MBNL2: variants seen among roughly 807,000 people sequenced by gnomAD.
MBNL2 encodes muscleblind like splicing regulator 2, also known as muscleblind-like protein 2.
In MBNL2, 17 loss-of-function variants were observed where a neutral mutation model predicts 41.9. The observed-to-expected ratio is 0.41, with a 90% CI of 0.28 to 0.61. The LOEUF (loss-of-function observed/expected upper bound fraction) is 0.61. Ranked by LOEUF, MBNL2 falls within the 20% of genes least tolerant of loss-of-function variation. MBNL2 has a pLI of 0.35. For missense variants in MBNL2, 336 were observed against 505.6 expected (o/e 0.66, Z 3.22); for synonymous variants, 195 against 182.9 (o/e 1.07, Z -0.53).
chr13:97,326,279 C>G (rs1284922679), intron 2 of MBNL2, among the ~76,000 whole-genome samples: 1 of 152,138 alleles, frequency 6.6e-6, no homozygotes, highest in Non-Finnish European at 1.5e-5. Flanking sequence ...GACTGTCTAC[C>G]ACTATTTGTG....
At chr13:97,218,251 A>G (rs184693447), upstream of MBNL2, among the ~76,000 whole-genome samples, 1 of 152,106 alleles carries the variant, frequency 6.6e-6, no homozygotes, top group East Asian at 1.9e-4. Context: ...TCTACTAAAA[A>G]TATAAAAAAT....
At chr13:97,151,969 C>T in the MBNL2 span, among the ~76,000 whole-genome samples, 1 of 152,120 alleles carries the variant, frequency 6.6e-6, no homozygotes, top group African/African-American at 2.4e-5. Flanking sequence ...TATCAGCCCA[C>T]TCATCTGTAA....
At chr13:97,180,757 A>C in the MBNL2 span, among the ~76,000 whole-genome samples, 2 of 151,778 alleles carry the variant, frequency 1.3e-5, no homozygotes, top group African/African-American at 2.4e-5. Flanking sequence ...AAAAAAAAAA[A>C]AAAAAAACAT....
At chr13:97,178,017 G>A in the MBNL2 span, among the ~76,000 whole-genome samples, 11 of 152,186 alleles carry the variant, frequency 7.2e-5, no homozygotes, top group Admixed American at 4.6e-4. Context: ...TCTTGGAAAA[G>A]CTCCTGGAGA....
chr13:97,245,652 T>G (rs2045317617), intron 1 of MBNL2, among the ~76,000 whole-genome samples: 1 of 152,246 alleles, frequency 6.6e-6, no homozygotes, highest in East Asian at 1.9e-4. Flanking sequence ...TCTACTAAGT[T>G]GGAGGAATAA....
chr13:97,385,036 T>C (rs2065813650), intron 8 of MBNL2, among the ~76,000 whole-genome samples: 1 of 152,190 alleles, frequency 6.6e-6, no homozygotes. Context: ...AGATGACACA[T>C]CTTGTGCAAA....
rs559792552 is a variant in MBNL2 at position 97,392,974 on chromosome 13, G to T, written c.*1525G>T. Reference sequence around the variant, plus strand: ...AGATGCACCAACCGTATCATTATTTGTTTGAGGAAAAAAAGAAATCTGCAT... The same window carrying T: ...AGATGCACCAACCGTATCATTATTTTTTTGAGGAAAAAAAGAAATCTGCAT... On this transcript the variant is annotated 3_prime_UTR_variant, in exon 9 of 9. Coordinates refer to ENST00000679496, the MANE Select transcript of MBNL2 (RefSeq NM_001382683.1). 1.3e-5 allele frequency: 2 copies of T among 152,436 alleles called. No individual in the cohort carries two copies. The highest frequency in any genetic ancestry group is 3.9e-4 in the East Asian group (2 of 5,186). 9.4% of individuals were successfully genotyped at this position (152,436 alleles called of 1,614,324 possible).
Position 97,276,086 on chromosome 13 carries a change from C to A in MBNL2, c.-150C>A. On this transcript the variant is annotated 5_prime_UTR_variant, in exon 2 of 9. In the 5' UTR this introduces an upstream ATG that the reference lacks. Coordinates refer to ENST00000679496, the MANE Select transcript of MBNL2 (RefSeq NM_001382683.1). ...CCTGTCCATACACTCTCTCATCATC[C>A]TGTTCCTTGGATTGGACTTCACTAA... The A allele has an allele frequency of 1.6e-6, 1 of 617,670 alleles. No homozygotes were observed. The highest frequency in any genetic ancestry group is 2.0e-5 in the South Asian group (1 of 49,996). 38.3% of individuals were successfully genotyped at this position (617,670 alleles called of 1,614,324 possible).
intron 2 of MBNL2, among the ~76,000 whole-genome samples, chr13:97,293,487 T>C (rs1437101908): frequency 6.6e-6 from 1 of 152,236 alleles, no homozygotes; most frequent in Non-Finnish European, 1.5e-5. Flanking sequence ...CTTGAGAAGA[T>C]GCATTTCCTG....
upstream of MBNL2, among the ~76,000 whole-genome samples, chr13:97,217,046 A>G (rs1322000145): frequency 6.8e-6 from 1 of 147,546 alleles, no homozygotes; most frequent in African/African-American, 2.5e-5. Context: ...TACACATAAT[A>G]TGTAATATAT....
chr13:97,158,947 T>C, the MBNL2 span, among the ~76,000 whole-genome samples: 1 of 151,014 alleles, frequency 6.6e-6, no homozygotes, highest in South Asian at 2.1e-4. Context: ...TTCCTGGGTA[T>C]CCTTGTTGAC....
chr13:97,200,141 G>A, the MBNL2 span, among the ~76,000 whole-genome samples: 4 of 152,246 alleles, frequency 2.6e-5, no homozygotes, highest in African/African-American at 4.8e-5. Context: ...CCTCCATGCT[G>A]TGGGCCACTT....
At chr13:97,375,643 G>A (rs1183480832) in intron 8 of MBNL2, among the ~76,000 whole-genome samples, 3 of 152,202 alleles carry the variant, frequency 2.0e-5, no homozygotes, top group African/African-American at 4.8e-5. Flanking sequence ...TTTTACATGT[G>A]AAGACGTCAC....
intron 2 of MBNL2, among the ~76,000 whole-genome samples, chr13:97,331,044 T>G (rs1241735071): frequency 6.6e-6 from 1 of 152,228 alleles, no homozygotes; most frequent in Non-Finnish European, 1.5e-5. Flanking sequence ...ATTAAGTAGC[T>G]TTTAACATGT....
At chr13:97,166,073 T>C in the MBNL2 span, among the ~76,000 whole-genome samples, 4 of 152,270 alleles carry the variant, frequency 2.6e-5, no homozygotes, top group Non-Finnish European at 5.9e-5. Context: ...ACAGTTGCAC[T>C]GTTTGTTAAA....
chr13:97,200,712 C>T, the MBNL2 span, among the ~76,000 whole-genome samples: 1 of 152,170 alleles, frequency 6.6e-6, no homozygotes, highest in Non-Finnish European at 1.5e-5. Context: ...ATAGCACCTA[C>T]AGACACCACT....
chr13:97,370,667 CAAA>C (rs35877156), intron 8 of MBNL2, among the ~76,000 whole-genome samples: 1 of 137,776 alleles, frequency 7.3e-6, no homozygotes. Flanking sequence ...GAAACTCCGT[CAAA>C]AAAAAAAAAG....
intron 2 of MBNL2, among the ~76,000 whole-genome samples, chr13:97,311,667 T>TA (rs2058620565): frequency 1.3e-5 from 2 of 151,568 alleles, no homozygotes; most frequent in African/African-American, 4.9e-5. Flanking sequence ...TCTTTTTTTT[T>TA]TAAAAAAAAA....
the MBNL2 span, among the ~76,000 whole-genome samples, chr13:97,156,854 G>A: frequency 6.6e-6 from 1 of 152,120 alleles, no homozygotes; most frequent in African/African-American, 2.4e-5. Flanking sequence ...TGTTCTTTTG[G>A]CTTAGGATTG....
Sources: allele counts gnomAD v4.1 joint callset (sites outside exome capture counted in the v4.1 genomes callset), GRCh38; gene constraint gnomAD v4.1.1; transcripts MANE v1.5; gene names NCBI Gene and HGNC (gene_info 2026-07-23, HGNC 2026-07-21).